CDH4: variants seen among roughly 807,000 people sequenced by gnomAD.
CDH4 encodes the protein cadherin 4.
In CDH4, 33 loss-of-function variants were observed where a neutral mutation model predicts 86.0. The ratio of observed to expected loss-of-function variants is 0.38; its 90% CI spans 0.29 to 0.51. The LOEUF is 0.51. Ranked by LOEUF, CDH4 falls within the 20% of genes least tolerant of loss-of-function variation. The probability of loss-of-function intolerance (pLI) is 0.86; values close to 1 mark genes in which losing one functional copy is unlikely to be tolerated. For missense variants in CDH4, 1,114 were observed against 1,307.4 expected, an observed-to-expected ratio of 0.85 and a Z score of 2.28; for synonymous variants, 555 against 549.4, an observed-to-expected ratio of 1.01 and a Z score of -0.14.
intron 2 of CDH4, among the ~76,000 whole-genome samples, chr20:61,322,974 G>T (rs1338206776): frequency 6.6e-6 from 1 of 152,174 alleles, no homozygotes; most frequent in African/African-American, 2.4e-5. Flanking sequence ...CTGAGCTCTA[G>T]AACATTCAAG....
chr20:61,591,151 G>A (rs1449521306), intron 2 of CDH4, among the ~76,000 whole-genome samples: 2 of 152,166 alleles, frequency 1.3e-5, no homozygotes, highest in Admixed American at 6.5e-5. Context: ...CCATTGATAA[G>A]TACAAGAGGC....
intron 2 of CDH4, among the ~76,000 whole-genome samples, chr20:61,354,002 C>G (rs1010430302): frequency 6.6e-6 from 1 of 151,882 alleles, no homozygotes; most frequent in Non-Finnish European, 1.5e-5. Flanking sequence ...TGTGAGGAAT[C>G]GATAATTTAC....
intron 2 of CDH4, among the ~76,000 whole-genome samples, chr20:61,489,848 G>A (rs1265667153): frequency 1.3e-5 from 2 of 152,164 alleles, no homozygotes; most frequent in African/African-American, 4.8e-5. Flanking sequence ...GCCTACCAGG[G>A]GCCTCCAAAA....
chr20:61,601,864 A>G (rs1243115963), intron 2 of CDH4, among the ~76,000 whole-genome samples: 2 of 152,218 alleles, frequency 1.3e-5, no homozygotes, highest in East Asian at 3.9e-4. Flanking sequence ...GCATCCAGAA[A>G]GCAGTGTCGC....
At chr20:61,273,452 G>A (rs112586429) in intron 2 of CDH4, among the ~76,000 whole-genome samples, 1,749 of 21,740 alleles carry the variant, frequency 0.08, no homozygotes, top group Middle Eastern at 0.13. Flanking sequence ...TGTGCAGTTT[G>A]GGGGAGGACC....
chr20:61,647,548 T>TCTCTCTCTCTCTCTCTCC (rs1555818888), intron 2 of CDH4, among the ~76,000 whole-genome samples: 1 of 108,484 alleles, frequency 9.2e-6, no homozygotes, highest in African/African-American at 3.3e-5. Context: ...TCCCTCTCCC[T>TCTCTCTCTCTCTCTCTCC]CTCCCTCTCC....
intron 2 of CDH4, among the ~76,000 whole-genome samples, chr20:61,380,612 C>T (rs894583286): frequency 4.7e-5 from 7 of 147,592 alleles, no homozygotes; most frequent in Non-Finnish European, 8.9e-5. Flanking sequence ...TAATATCTTT[C>T]GGGAGGATGA....
chr20:61,738,252 T>C (rs886677330), intron 2 of CDH4: 1 of 152,198 alleles, frequency 6.6e-6, no homozygotes, highest in Admixed American at 6.5e-5. Context: ...CTGTCTCTTG[T>C]CAAGTTTGTT....
rs73915120 is a variant in CDH4 at position 61,870,147 on chromosome 20, G to A, written c.878-3581G>A. On this transcript the variant is annotated intron_variant, in intron 6 of 15. Transcript: ENST00000614565. ...CCCTCCACCTCCCCCAGCCAGTAGG[G>A]CTGAGTGGAGAAGAGCTCCAAGCCC... Among the ~76,000 whole-genome samples the A allele has an allele frequency of 1.0e-2, 1,521 of 152,302 alleles. 26 individuals carry two copies. The highest frequency in any genetic ancestry group is 0.035 in the African/African-American group (1,451 of 41,572).
chr20:61,759,076 G>T (rs142764715), intron 3 of CDH4, among the ~76,000 whole-genome samples: 4 of 152,284 alleles, frequency 2.6e-5, no homozygotes, highest in Non-Finnish European at 5.9e-5. Flanking sequence ...GTGCATATTT[G>T]TGCATGCATG....
At chr20:61,453,196 G>A (rs1180146274) in intron 2 of CDH4, among the ~76,000 whole-genome samples, 2 of 152,190 alleles carry the variant, frequency 1.3e-5, no homozygotes, top group Non-Finnish European at 2.9e-5. Flanking sequence ...TTGATATCCA[G>A]GAACTTGAAC....
chr20:61,577,419 T>C (rs1297186413), intron 2 of CDH4, among the ~76,000 whole-genome samples: 1 of 152,230 alleles, frequency 6.6e-6, no homozygotes, highest in Admixed American at 6.5e-5. Context: ...ATTTTGTGTG[T>C]TGAAGGATGA....
chr20:61,394,300 C>T (rs1056101983), intron 2 of CDH4, among the ~76,000 whole-genome samples: 2 of 152,162 alleles, frequency 1.3e-5, no homozygotes, highest in African/African-American at 4.8e-5. Flanking sequence ...ATCCAGGACT[C>T]TCCCGCCCCT....
chr20:61,431,357 T>C (rs2085245370), intron 2 of CDH4, among the ~76,000 whole-genome samples: 1 of 144,536 alleles, frequency 6.9e-6, no homozygotes, highest in Admixed American at 6.8e-5. Context: ...TTTTTTTTGT[T>C]GGTTTTTTTT....
At position 61,829,511 on chromosome 20, in the gene CDH4, A is replaced by G. The variant is rs1040569766; in HGVS notation, c.577-15157A>G. Among the ~76,000 whole-genome samples, 1 of 152,230 alleles carries G rather than the reference A, an allele frequency of 6.6e-6. No homozygotes were observed. Among genetic ancestry groups the G allele is most frequent in the Non-Finnish European group, 1.5e-5 (1 of 68,036 alleles). On this transcript the variant is annotated intron_variant, in intron 4 of 15. Transcript: ENST00000614565. The surrounding 1 kb of genome is among the most constrained non-coding windows in gnomAD (Gnocchi z 4.2). ...ATGTTGATTCTTAGGGTGTCTGCCC[A>G]GCAGTGGGATTGCTGGGTCACGCAT...
chr20:61,670,651 G>A (rs528564488), intron 2 of CDH4, among the ~76,000 whole-genome samples: 2 of 152,352 alleles, frequency 1.3e-5, no homozygotes, highest in African/African-American at 4.8e-5. Context: ...TGGGGAGTGC[G>A]AGGCTGATGA....
intron 6 of CDH4, among the ~76,000 whole-genome samples, chr20:61,864,726 G>A (rs942628874): frequency 1.3e-5 from 2 of 152,294 alleles, no homozygotes; most frequent in African/African-American, 2.4e-5. Context: ...CCAGCTTCCC[G>A]GGCAGACCCT....
intron 2 of CDH4, among the ~76,000 whole-genome samples, chr20:61,692,965 T>A (rs907272865): frequency 6.6e-6 from 1 of 152,048 alleles, no homozygotes. Flanking sequence ...AAAGGAGAAT[T>A]TTTTTCCAGT....
intron 8 of CDH4, among the ~76,000 whole-genome samples, chr20:61,901,222 TAGGGGC>T (rs376285859): frequency 0.013 from 1,708 of 132,508 alleles, 43 homozygotes; most frequent in African/African-American, 0.046. Flanking sequence ...GCAGGAGGAG[TAGGGGC>T]AGGGGCAGGG....
Sources: gnomAD v4.1 joint callset for allele counts (sites outside exome capture counted in the v4.1 genomes callset) on GRCh38, gnomAD v4.1.1 for gene constraint, Gnocchi (gnomAD v3.1) non-coding constraint, MANE v1.5 for transcripts, NCBI Gene and HGNC (gene_info 2026-07-23, HGNC 2026-07-21) for gene names.